The following BMAL2 variants were observed in gnomAD, a reference collection of about 807,000 sequenced individuals.
The protein encoded by BMAL2 is basic helix-loop-helix ARNT like 2.
chr12:27,418,466 A>G, the BMAL2 span, among the ~76,000 whole-genome samples: 21 of 152,170 alleles, frequency 1.4e-4, no homozygotes, highest in African/African-American at 4.8e-4. Context: ...TTAGCTAGGC[A>G]TGATGGCTCA....
chr12:27,362,991 G>T, the BMAL2 span, among the ~76,000 whole-genome samples: 1 of 152,038 alleles, frequency 6.6e-6, no homozygotes, highest in African/African-American at 2.4e-5. Context: ...TTTTTGTAGA[G>T]ACAGCATCTT....
At chr12:27,390,544 C>T in the BMAL2 span, 1 of 265,042 alleles carries the variant, frequency 3.8e-6, no homozygotes, top group Non-Finnish European at 7.1e-6. Flanking sequence ...TGCTGTGAAA[C>T]TTCATTATTA....
chr12:27,345,045 A>G, the BMAL2 span, among the ~76,000 whole-genome samples: 3 of 152,216 alleles, frequency 2.0e-5, no homozygotes, highest in South Asian at 6.2e-4. Flanking sequence ...CCTAACTGGT[A>G]TTTCTGCCTC....
the BMAL2 span, among the ~76,000 whole-genome samples, chr12:27,344,790 A>G: frequency 6.6e-6 from 1 of 152,214 alleles, no homozygotes; most frequent in Non-Finnish European, 1.5e-5. Flanking sequence ...AAGTTGCTTT[A>G]TTTCTCTGAG....
the BMAL2 span, among the ~76,000 whole-genome samples, chr12:27,354,905 G>A: frequency 6.6e-6 from 1 of 151,940 alleles, no homozygotes; most frequent in African/African-American, 2.4e-5. Context: ...ACAAATGATC[G>A]GTCTTAATTC....
At chr12:27,399,954 TA>T in the BMAL2 span, among the ~76,000 whole-genome samples, 4 of 152,200 alleles carry the variant, frequency 2.6e-5, no homozygotes, top group South Asian at 8.3e-4. Flanking sequence ...GGGATTTTCC[TA>T]AAAAGTGAAA....
At chr12:27,390,080 C>G in the BMAL2 span, 1 of 1,611,634 alleles carries the variant, frequency 6.2e-7, no homozygotes, top group Non-Finnish European at 8.5e-7. Flanking sequence ...TTCTCTCGCC[C>G]CCTTCTGCAC....
the BMAL2 span, among the ~76,000 whole-genome samples, chr12:27,399,685 A>C: frequency 6.6e-6 from 1 of 152,222 alleles, no homozygotes; most frequent in South Asian, 2.1e-4. Flanking sequence ...TGCCAATTTG[A>C]AACAATGATT....
chr12:27,369,578 T>C, the BMAL2 span, among the ~76,000 whole-genome samples: 1 of 152,390 alleles, frequency 6.6e-6, no homozygotes, highest in Admixed American at 6.5e-5. Flanking sequence ...TTCTAAATTA[T>C]CAGTCAGTAG....
the BMAL2 span, among the ~76,000 whole-genome samples, chr12:27,375,769 C>T: frequency 3.3e-5 from 5 of 152,214 alleles, no homozygotes; most frequent in African/African-American, 7.2e-5. Flanking sequence ...TCACTACCAA[C>T]GTATTTCATT....
the BMAL2 span, among the ~76,000 whole-genome samples, chr12:27,406,234 T>TA: frequency 1.3e-5 from 2 of 152,038 alleles, no homozygotes; most frequent in African/African-American, 4.8e-5. Flanking sequence ...ATTCAGGAAA[T>TA]ACAGAGAACG....
chr12:27,395,619 C>G, the BMAL2 span, among the ~76,000 whole-genome samples: 5 of 151,954 alleles, frequency 3.3e-5, no homozygotes, highest in African/African-American at 1.2e-4. Context: ...TTAGTCCTTC[C>G]ATGGGGTTCC....
At chr12:27,390,641 A>G in the BMAL2 span, among the ~76,000 whole-genome samples, 6 of 152,324 alleles carry the variant, frequency 3.9e-5, no homozygotes, top group African/African-American at 1.2e-4. Context: ...GTTTCTTAAG[A>G]TGTTCCAGGT....
the BMAL2 span, among the ~76,000 whole-genome samples, chr12:27,415,716 C>T: frequency 6.6e-6 from 1 of 152,070 alleles, no homozygotes; most frequent in Non-Finnish European, 1.5e-5. Context: ...AAGCCTGGCA[C>T]CTAGTAAGTC....
At chr12:27,367,867 G>A in the BMAL2 span, among the ~76,000 whole-genome samples, 1 of 151,308 alleles carries the variant, frequency 6.6e-6, no homozygotes, top group Non-Finnish European at 1.5e-5. Flanking sequence ...TTTTTTGAGA[G>A]GGAGTCTCGC....
At chr12:27,415,363 A>G in the BMAL2 span, among the ~76,000 whole-genome samples, 1 of 152,168 alleles carries the variant, frequency 6.6e-6, no homozygotes, top group South Asian at 2.1e-4. Context: ...CCTTCTTGGG[A>G]ACACATAAAG....
the BMAL2 span, among the ~76,000 whole-genome samples, chr12:27,413,088 C>CA: frequency 6.6e-6 from 1 of 151,548 alleles, no homozygotes; most frequent in African/African-American, 2.4e-5. Context: ...TCCAGACAGA[C>CA]AAAAGCTGTG....
At chr12:27,419,619 A>G in the BMAL2 span, among the ~76,000 whole-genome samples, 1 of 152,318 alleles carries the variant, frequency 6.6e-6, no homozygotes, top group Non-Finnish European at 1.5e-5. Context: ...ACTATTGTAT[A>G]TAGTTTCATA....
chr12:27,340,192 A>G, the BMAL2 span, among the ~76,000 whole-genome samples: 1 of 152,236 alleles, frequency 6.6e-6, no homozygotes, highest in South Asian at 2.1e-4. Context: ...TATGTCCAGA[A>G]TGGTATTTCC....
Sources: allele counts gnomAD v4.1 joint callset (sites outside exome capture counted in the v4.1 genomes callset), GRCh38; gene constraint gnomAD v4.1.1; transcripts MANE v1.5; gene names NCBI Gene and HGNC (gene_info 2026-07-23, HGNC 2026-07-21).